TNIK: variants seen among roughly 807,000 people sequenced by gnomAD.
TNIK encodes the protein TRAF2 and NCK interacting kinase.
A neutral mutation model predicts 191.3 loss-of-function variants in TNIK; 49 were observed. The ratio of observed to expected loss-of-function variants is 0.26; its 90% CI spans 0.20 to 0.32. The LOEUF is 0.32. Ranked by LOEUF, TNIK falls within the 10% of genes least tolerant of loss-of-function variation. The probability of loss-of-function intolerance (pLI) is 1.00; values close to 1 mark genes in which losing one functional copy is unlikely to be tolerated. For missense variants in TNIK, 1,155 were observed against 1,702.3 expected, an observed-to-expected ratio of 0.68 and a Z score of 5.66; for synonymous variants, 594 against 600.9, an observed-to-expected ratio of 0.99 and a Z score of 0.17.
chr3:171,182,541 G>A (rs979468125), intron 7 of TNIK, among the ~76,000 whole-genome samples: 1 of 152,156 alleles, frequency 6.6e-6, no homozygotes, highest in Non-Finnish European at 1.5e-5. Context: ...GAGGTGTTGT[G>A]CAGCCTAGCC....
At chr3:171,252,767 A>C (rs1746383331) in intron 2 of TNIK, among the ~76,000 whole-genome samples, 2 of 152,172 alleles carry the variant, frequency 1.3e-5, no homozygotes, top group Non-Finnish European at 2.9e-5. Context: ...TTTGTAAGAA[A>C]ATCATGGGGT....
At chr3:171,166,322 G>T (rs756243780) in intron 10 of TNIK, among the ~76,000 whole-genome samples, 5 of 152,176 alleles carry the variant, frequency 3.3e-5, no homozygotes, top group Non-Finnish European at 5.9e-5. Flanking sequence ...TCTTTGGCTT[G>T]CATTTTGTCT....
At chr3:171,410,902 A>G (rs1449770481) in intron 1 of TNIK, among the ~76,000 whole-genome samples, 1 of 151,642 alleles carries the variant, frequency 6.6e-6, no homozygotes, top group Non-Finnish European at 1.5e-5. Context: ...GGAGGTATAG[A>G]CCCCACTTCT....
At chr3:171,122,613 AAAACTTTATGATT>A (rs1201345393) in intron 18 of TNIK, among the ~76,000 whole-genome samples, 6 of 152,242 alleles carry the variant, frequency 3.9e-5, no homozygotes, top group African/African-American at 1.2e-4. Context: ...GAGGAAAATT[AAAACTTTATGATT>A]TAAAGCATTC....
intron 1 of TNIK, among the ~76,000 whole-genome samples, chr3:171,404,619 T>A (rs1253515042): frequency 6.6e-6 from 1 of 152,116 alleles, no homozygotes; most frequent in Non-Finnish European, 1.5e-5. Context: ...CTGCAGAGTA[T>A]GCAGTTTAAT....
At chr3:171,292,253 T>A (rs951259002) in intron 2 of TNIK, among the ~76,000 whole-genome samples, 1 of 152,236 alleles carries the variant, frequency 6.6e-6, no homozygotes, top group Non-Finnish European at 1.5e-5. Flanking sequence ...ATGGGTCACA[T>A]TTTCCAGGTT....
At chr3:171,067,925 G>A (rs1182399171) in intron 30 of TNIK, among the ~76,000 whole-genome samples, 1 of 152,146 alleles carries the variant, frequency 6.6e-6, no homozygotes, top group Non-Finnish European at 1.5e-5. Context: ...AGCAATGAAT[G>A]GCAGTCGTGT....
intron 1 of TNIK, among the ~76,000 whole-genome samples, chr3:171,426,221 A>G (rs917235119): frequency 6.6e-6 from 1 of 151,968 alleles, no homozygotes; most frequent in African/African-American, 2.4e-5. Context: ...AATACAATGC[A>G]GCCATAAAAA....
intron 2 of TNIK, among the ~76,000 whole-genome samples, chr3:171,284,902 C>A (rs539319136): frequency 6.6e-6 from 1 of 152,144 alleles, no homozygotes; most frequent in Non-Finnish European, 1.5e-5. Flanking sequence ...AGAAAGCGTG[C>A]GCTGACTAAA....
intron 1 of TNIK, among the ~76,000 whole-genome samples, chr3:171,456,214 T>A (rs1348414360): frequency 1.3e-5 from 2 of 152,162 alleles, no homozygotes; most frequent in African/African-American, 4.8e-5. Context: ...ACAGCCAAGG[T>A]GCTTAGGTCC....
At chr3:171,268,213 G>A (rs547683451) in intron 2 of TNIK, among the ~76,000 whole-genome samples, 9 of 152,208 alleles carry the variant, frequency 5.9e-5, no homozygotes, top group Admixed American at 1.3e-4. Context: ...ACCAGGCCTC[G>A]ACTTTTGGAC....
At chr3:171,443,998 T>G in intron 1 of TNIK, among the ~76,000 whole-genome samples, 1 of 152,096 alleles carries the variant, frequency 6.6e-6, no homozygotes, top group East Asian at 1.9e-4. Context: ...TAACCATCGG[T>G]TTTTCCTTCA....
chr3:171,091,791 T>A lies in TNIK; in HGVS notation c.2721+2048A>T, dbSNP rs1315786989. Among the ~76,000 whole-genome samples, 9 of 151,926 alleles carry A rather than the reference T, an allele frequency of 5.9e-5. No individual in the cohort carries two copies. The East Asian group carries it at 1.7e-3, about 29-fold the overall frequency. ...TCTCTCTCTCTACATATGTAAATACTCTCTTTCTCTGGAGAACCCCAACTA... is the reference window on the plus strand; with the variant it reads ...TCTCTCTCTCTACATATGTAAATACACTCTTTCTCTGGAGAACCCCAACTA... On this transcript the variant is annotated intron_variant, in intron 23 of 32. Transcript: ENST00000436636.
At chr3:171,432,336 A>C (rs901857505) in intron 1 of TNIK, among the ~76,000 whole-genome samples, 1 of 152,200 alleles carries the variant, frequency 6.6e-6, no homozygotes, top group Non-Finnish European at 1.5e-5. Context: ...ACAGAGATCC[A>C]AACTAAGTAG....
chr3:171,293,459 T>C (rs1751915145), intron 2 of TNIK, among the ~76,000 whole-genome samples: 1 of 152,216 alleles, frequency 6.6e-6, no homozygotes, highest in South Asian at 2.1e-4. Context: ...TTAAATAGCA[T>C]GGAATCACAT....
At chr3:171,348,000 C>T (rs1166610839) in intron 2 of TNIK, among the ~76,000 whole-genome samples, 3 of 151,186 alleles carry the variant, frequency 2.0e-5, no homozygotes, top group African/African-American at 7.3e-5. Flanking sequence ...TCTAAAGAAT[C>T]TGCATGGACT....
intron 27 of TNIK, among the ~76,000 whole-genome samples, chr3:171,081,158 C>T (rs904361281): frequency 3.3e-5 from 5 of 152,050 alleles, no homozygotes; most frequent in African/African-American, 1.2e-4. Flanking sequence ...GAACAAAAGA[C>T]TACATGGGAT....
chr3:171,243,428 T>TA (rs35754359), intron 2 of TNIK, among the ~76,000 whole-genome samples: 4,403 of 147,008 alleles, frequency 0.03, 112 homozygotes, highest in African/African-American at 0.066. Flanking sequence ...TATAGTAAAT[T>TA]AAAAAAAAAA....
intron 1 of TNIK, among the ~76,000 whole-genome samples, chr3:171,420,261 C>T (rs1470457739): frequency 2.0e-5 from 3 of 152,176 alleles, no homozygotes; most frequent in Non-Finnish European, 4.4e-5. Flanking sequence ...TGTATTCAAG[C>T]ATCTAGTCCT....
Sources: gnomAD v4.1 joint callset for allele counts (sites outside exome capture counted in the v4.1 genomes callset) on GRCh38, gnomAD v4.1.1 for gene constraint, MANE v1.5 for transcripts, NCBI Gene and HGNC (gene_info 2026-07-23, HGNC 2026-07-21) for gene names.